Variants in PTPRT observed in about 807,000 individuals in gnomAD.
PTPRT encodes protein tyrosine phosphatase receptor type T.
In PTPRT, 56 loss-of-function variants were observed where a neutral mutation model predicts 176.8. That is an observed-to-expected ratio of 0.32 (90% CI 0.26 to 0.40). PTPRT has a LOEUF of 0.40. Among genes scored for constraint, PTPRT ranks in the 10% least tolerant of loss-of-function variants. The pLI, the probability that PTPRT is intolerant of heterozygous loss-of-function variation, is 1.00. For missense variants in PTPRT, 1,540 were observed against 1,908.2 expected (o/e 0.81, Z 3.60); for synonymous variants, 783 against 739.0 (o/e 1.06, Z -0.96).
chr20:43,034,914 A>T (rs1449039634), intron 1 of PTPRT, among the ~76,000 whole-genome samples: 1 of 106,754 alleles, frequency 9.4e-6, no homozygotes, highest in Non-Finnish European at 1.9e-5. Flanking sequence ...CCTCAACCCC[A>T]CCCCCACCTT....
chr20:42,477,614 C>T (rs1601097175), intron 7 of PTPRT, among the ~76,000 whole-genome samples: 1 of 152,230 alleles, frequency 6.6e-6, no homozygotes, highest in East Asian at 1.9e-4. Context: ...CTTGTGTGTG[C>T]AGTGGAGATT....
chr20:42,868,605 T>A (rs1332191649), intron 2 of PTPRT, among the ~76,000 whole-genome samples: 2 of 152,124 alleles, frequency 1.3e-5, no homozygotes, highest in East Asian at 1.9e-4. Flanking sequence ...GGCCAGGACA[T>A]AAAGGTATAT....
chr20:42,488,631 A>G (rs1450219053), intron 7 of PTPRT, among the ~76,000 whole-genome samples: 8 of 152,084 alleles, frequency 5.3e-5, no homozygotes, highest in African/African-American at 1.2e-4. Context: ...TGTTCATGAT[A>G]ATCTCTAATA....
At chr20:42,913,198 T>C (rs764892397) in intron 1 of PTPRT, among the ~76,000 whole-genome samples, 3 of 152,190 alleles carry the variant, frequency 2.0e-5, no homozygotes, top group Admixed American at 6.5e-5. Flanking sequence ...AGGAGTGTTA[T>C]AACAAAGTGC....
At chr20:42,757,645 G>A (rs2076854844) in intron 5 of PTPRT, among the ~76,000 whole-genome samples, 1 of 152,226 alleles carries the variant, frequency 6.6e-6, no homozygotes, top group Non-Finnish European at 1.5e-5. Flanking sequence ...TTGCCCACAA[G>A]TGTTGCCCAT....
chr20:42,452,229 A>G lies in PTPRT; in HGVS notation c.1451-3900T>C, dbSNP rs186867105. On this transcript the variant is annotated intron_variant, in intron 8 of 30. Coordinates refer to ENST00000373187, the MANE Select transcript of PTPRT (RefSeq NM_007050.6). ...GGTTGCAGTGAGCCGAGACCATGCC[A>G]CTGCACCCCAGCCTAGTGACAGACT... Among the ~76,000 whole-genome samples the G allele has an allele frequency of 2.7e-3, 410 of 151,742 alleles. 5 individuals carry two copies. The highest frequency in any genetic ancestry group is 9.5e-3 in the African/African-American group (393 of 41,350).
intron 1 of PTPRT, among the ~76,000 whole-genome samples, chr20:42,886,992 C>A (rs1277483441): frequency 6.6e-6 from 1 of 152,196 alleles, no homozygotes; most frequent in East Asian, 1.9e-4. Flanking sequence ...AGCCTCCTGG[C>A]TGGTCTCCCA....
At chr20:42,331,913 C>G (rs2057970119) in intron 11 of PTPRT, among the ~76,000 whole-genome samples, 1 of 152,120 alleles carries the variant, frequency 6.6e-6, no homozygotes, top group African/African-American at 2.4e-5. Flanking sequence ...CCTTTTTCCA[C>G]TTTGTTAATA....
At chr20:42,367,767 G>A (rs1568817464) in intron 9 of PTPRT, among the ~76,000 whole-genome samples, 1 of 152,154 alleles carries the variant, frequency 6.6e-6, no homozygotes, top group East Asian at 1.9e-4. Context: ...CTTTCCAGGA[G>A]AGGAGAGTGG....
At chr20:43,027,666 C>A (rs1477002403) in intron 1 of PTPRT, among the ~76,000 whole-genome samples, 10 of 152,058 alleles carry the variant, frequency 6.6e-5, no homozygotes, top group Non-Finnish European at 1.3e-4. Context: ...CCTGCCAGCA[C>A]CTCAATCTTC....
At chr20:42,445,384 C>G (rs1601037445) in intron 9 of PTPRT, among the ~76,000 whole-genome samples, 1 of 152,226 alleles carries the variant, frequency 6.6e-6, no homozygotes, top group East Asian at 1.9e-4. Context: ...TGATAAAAGA[C>G]TTAAGGTTCT....
chr20:42,517,012 G>A (rs867540380), intron 7 of PTPRT, among the ~76,000 whole-genome samples: 43 of 151,978 alleles, frequency 2.8e-4, no homozygotes, highest in African/African-American at 1.0e-3. Flanking sequence ...TTCTCATGCT[G>A]TCCTTATCTA....
At chr20:42,583,068 C>T (rs112483017) in intron 7 of PTPRT, among the ~76,000 whole-genome samples, 6 of 152,140 alleles carry the variant, frequency 3.9e-5, no homozygotes, top group Admixed American at 6.5e-5. Context: ...CCTTTCCTTA[C>T]CTTTTCCTGG....
intron 16 of PTPRT, among the ~76,000 whole-genome samples, chr20:42,185,451 G>C (rs528297220): frequency 2.0e-5 from 3 of 152,172 alleles, no homozygotes; most frequent in Non-Finnish European, 4.4e-5. Context: ...GACTTCTTGA[G>C]GATATTTTGA....
rs937149372 is a variant in PTPRT at position 42,414,371 on chromosome 20, C to T, written c.1560+33849G>A. 2.0e-5 allele frequency among the ~76,000 whole-genome samples: 3 copies of T among 152,104 alleles called. No homozygotes were observed. The South Asian group carries it at 6.2e-4, about 31-fold the overall frequency. ...CCAAGCATTTCTATTAGATTCAGAA[C>T]AAAACAAGGATGTCCTCTATTCCAG... is the stretch of plus-strand genomic sequence containing the variant. On this transcript the variant is annotated intron_variant, in intron 9 of 30. Transcript: ENST00000373187.
At chr20:43,120,311 GC>G (rs1188990218) in intron 1 of PTPRT, among the ~76,000 whole-genome samples, 1 of 149,352 alleles carries the variant, frequency 6.7e-6, no homozygotes, top group Non-Finnish European at 1.5e-5. Flanking sequence ...TCACTCTGTT[GC>G]CCAGGCTGGA....
intron 1 of PTPRT, among the ~76,000 whole-genome samples, chr20:43,046,780 C>G (rs75037361): frequency 7.2e-5 from 11 of 152,126 alleles, no homozygotes; most frequent in South Asian, 2.1e-4. Flanking sequence ...CTAAAATGAA[C>G]TCAGTAGGCA....
In PTPRT at chr20:42,697,398, T is replaced by C. The variant is rs527835792; in HGVS notation, c.860-19239A>G. On this transcript the variant is annotated intron_variant, in intron 6 of 30. Transcript: ENST00000373187. The stretch of plus-strand genomic sequence containing the variant: ...GTGGTAAATAAACATGCGCAACTTC[T>C]GGCCATTTTATACATTTCCTCTGTA... Among the ~76,000 whole-genome samples the C allele has an allele frequency of 6.6e-5, 10 of 152,372 alleles. No homozygotes were observed. The South Asian group carries it at 1.9e-3, about 28-fold the overall frequency.
At chr20:42,876,630 G>A (rs2078936184) in intron 2 of PTPRT, among the ~76,000 whole-genome samples, 1 of 152,164 alleles carries the variant, frequency 6.6e-6, no homozygotes, top group Non-Finnish European at 1.5e-5. Context: ...AGATGCCCCA[G>A]GTGCCACGAA....
Sources: allele counts gnomAD v4.1 joint callset (sites outside exome capture counted in the v4.1 genomes callset), GRCh38; gene constraint gnomAD v4.1.1; transcripts MANE v1.5; gene names NCBI Gene and HGNC (gene_info 2026-07-23, HGNC 2026-07-21).